Variants in SPOCK1 observed in about 807,000 individuals in gnomAD.
The protein encoded by SPOCK1 is testican-1.
Under a neutral mutation model 55.3 loss-of-function variants are expected in SPOCK1, and 23 were observed. The ratio of observed to expected loss-of-function variants is 0.42; its 90% CI spans 0.30 to 0.59. The LOEUF is 0.59. Ranked by LOEUF, SPOCK1 falls within the 20% of genes least tolerant of loss-of-function variation. SPOCK1 has a pLI of 0.22. For synonymous variants in SPOCK1, 226 were observed against 221.0 expected (o/e 1.02, Z -0.20); for missense variants, 499 against 552.5 (o/e 0.90, Z 0.97).
intron 2 of SPOCK1, among the ~76,000 whole-genome samples, chr5:137,303,789 C>G (rs1429614647): frequency 6.6e-6 from 1 of 152,188 alleles, no homozygotes; most frequent in Non-Finnish European, 1.5e-5. Flanking sequence ...CTGGGGCAGC[C>G]AGGAGGGGCC....
intron 2 of SPOCK1, among the ~76,000 whole-genome samples, chr5:137,495,556 G>C (rs1192844194): frequency 1.3e-4 from 20 of 152,130 alleles, no homozygotes; most frequent in Admixed American, 1.3e-3. Flanking sequence ...AATAATTGTG[G>C]GACACAGCCT....
intron 2 of SPOCK1, among the ~76,000 whole-genome samples, chr5:137,457,794 C>T (rs1052376980): frequency 2.0e-5 from 3 of 152,086 alleles, no homozygotes. Flanking sequence ...GTCTAATCAT[C>T]CCAGAGGGGA....
intron 2 of SPOCK1, among the ~76,000 whole-genome samples, chr5:137,344,397 G>A (rs536832008): frequency 6.6e-5 from 10 of 152,266 alleles, no homozygotes; most frequent in Non-Finnish European, 1.5e-4. Flanking sequence ...GAAGACAGGT[G>A]TCACATCTTA....
intron 2 of SPOCK1, among the ~76,000 whole-genome samples, chr5:137,483,906 GCACCCGGGGAAGCCCTT>G (rs1265869047): frequency 6.6e-6 from 1 of 152,208 alleles, no homozygotes; most frequent in Non-Finnish European, 1.5e-5. Context: ...TGCTGAGACA[GCACCCGGGGAAGCCCTT>G]CTGCCTGCCT....
rs558775154 is a variant in SPOCK1 at position 137,091,747 on chromosome 5, GGC to G, written c.474+20686_474+20687del. Among the ~76,000 whole-genome samples, 28 of 152,190 alleles carry G rather than the reference GGC, an allele frequency of 1.8e-4. No homozygotes were observed. In the East Asian group the frequency reaches 4.4e-3, roughly 24 times the overall value. Reference sequence around the variant, plus strand: ...TTCATCTCAGGCATTCCCAGAGCTGGGCACAAAGCCTGGAACCAAGGTACACA... The same window carrying G: ...TTCATCTCAGGCATTCCCAGAGCTGGACAAAGCCTGGAACCAAGGTACACA... On this transcript the variant is annotated intron_variant, in intron 5 of 10. Coordinates refer to ENST00000394945, the MANE Select transcript of SPOCK1 (RefSeq NM_004598.4).
intron 2 of SPOCK1, among the ~76,000 whole-genome samples, chr5:137,492,505 A>G (rs923935920): frequency 6.6e-6 from 1 of 152,170 alleles, no homozygotes; most frequent in Admixed American, 6.5e-5. Context: ...AGCTTCTTAG[A>G]ATTTTTTAGT....
At chr5:137,390,450 A>T (rs1324007926) in intron 2 of SPOCK1, among the ~76,000 whole-genome samples, 1 of 152,228 alleles carries the variant, frequency 6.6e-6, no homozygotes, top group Non-Finnish European at 1.5e-5. Context: ...TACCATTTTA[A>T]TAGGAACACC....
At chr5:137,293,054 T>A (rs564863171) in intron 2 of SPOCK1, among the ~76,000 whole-genome samples, 1 of 151,262 alleles carries the variant, frequency 6.6e-6, no homozygotes, top group South Asian at 2.1e-4. Context: ...CTGTGGCCAC[T>A]GCTGTTTCAT....
chr5:137,135,424 C>G (rs1382508148), intron 4 of SPOCK1, among the ~76,000 whole-genome samples: 2 of 152,200 alleles, frequency 1.3e-5, no homozygotes, highest in African/African-American at 4.8e-5. Context: ...TGTTTGTCCC[C>G]CTGTCCCCTA....
intron 5 of SPOCK1, among the ~76,000 whole-genome samples, chr5:137,092,523 G>A (rs1198320617): frequency 6.6e-6 from 1 of 152,208 alleles, no homozygotes; most frequent in African/African-American, 2.4e-5. Context: ...ATACCCAGGT[G>A]AGGTCAGACG....
chr5:137,001,399 T>C (rs148269622), intron 6 of SPOCK1, among the ~76,000 whole-genome samples: 1 of 152,336 alleles, frequency 6.6e-6, no homozygotes, highest in African/African-American at 2.4e-5. Context: ...AGGAATCTCT[T>C]CTATTGCTTT....
chr5:137,213,513 A>G (rs1279182694), intron 3 of SPOCK1, among the ~76,000 whole-genome samples: 2 of 152,162 alleles, frequency 1.3e-5, no homozygotes, highest in African/African-American at 4.8e-5. Flanking sequence ...AGAAGAAGAA[A>G]CAAACTCAAG....
chr5:137,195,771 G>C (rs1755287661), intron 3 of SPOCK1, among the ~76,000 whole-genome samples: 1 of 152,238 alleles, frequency 6.6e-6, no homozygotes, highest in Admixed American at 6.5e-5. Flanking sequence ...AGATAGGTAT[G>C]AGTACATGAC....
At chr5:136,992,371 A>G (rs1416575955) in intron 7 of SPOCK1, 113 bp downstream of exon 7, 3 of 838,760 alleles carry the variant, frequency 3.6e-6, no homozygotes, top group Non-Finnish European at 5.4e-6. Flanking sequence ...GGACATATTT[A>G]AAGTCAAAGT....
intron 2 of SPOCK1, among the ~76,000 whole-genome samples, chr5:137,309,277 G>T (rs1460315079): frequency 6.6e-6 from 1 of 152,144 alleles, no homozygotes; most frequent in Non-Finnish European, 1.5e-5. Flanking sequence ...GCAGCAGAGA[G>T]CCCATAAGAA....
intron 3 of SPOCK1, among the ~76,000 whole-genome samples, chr5:137,162,910 G>A (rs146339014): frequency 0.016 from 2,483 of 152,266 alleles, 33 homozygotes; most frequent in South Asian, 0.035. Context: ...CGTTGGAAGG[G>A]TCTTTAAGAA....
chr5:137,193,228 G>A (rs1378974459), intron 3 of SPOCK1, among the ~76,000 whole-genome samples: 3 of 152,270 alleles, frequency 2.0e-5, no homozygotes, highest in South Asian at 4.1e-4. Context: ...AAGAGGTAGA[G>A]GAAGGGGTAG....
At chr5:137,475,963 A>G (rs1753829340) in intron 2 of SPOCK1, among the ~76,000 whole-genome samples, 1 of 152,120 alleles carries the variant, frequency 6.6e-6, no homozygotes, top group South Asian at 2.1e-4. Flanking sequence ...ATGTTTAAAA[A>G]GGCAAGCTAG....
chr5:137,104,971 G>C (rs1753337249), intron 5 of SPOCK1, among the ~76,000 whole-genome samples: 1 of 152,142 alleles, frequency 6.6e-6, no homozygotes, highest in Non-Finnish European at 1.5e-5. Flanking sequence ...ACTGGTCCCT[G>C]TGCCAAAAAA....
Sources: gnomAD v4.1 joint callset for allele counts (sites outside exome capture counted in the v4.1 genomes callset) on GRCh38, gnomAD v4.1.1 for gene constraint, MANE v1.5 for transcripts, NCBI Gene and HGNC (gene_info 2026-07-23, HGNC 2026-07-21) for gene names.